ETS1: variants seen among roughly 807,000 people sequenced by gnomAD.
The protein encoded by ETS1 is ETS proto-oncogene 1, transcription factor.
Under a neutral mutation model 58.6 loss-of-function variants are expected in ETS1, and 15 were observed. The ratio of observed to expected loss-of-function variants is 0.26; its 90% CI spans 0.17 to 0.39. The LOEUF is 0.39. Among genes scored for constraint, ETS1 ranks in the 10% least tolerant of loss-of-function variants. ETS1 has a pLI of 1.00. For synonymous variants in ETS1, 214 were observed against 218.2 expected (o/e 0.98, Z 0.17); for missense variants, 417 against 610.5 (o/e 0.68, Z 3.34).
rs749441030 is a variant in ETS1, at chr11:128,468,228, A to G, written c.1124-4601T>C. Among the ~76,000 whole-genome samples, 19 of 152,338 alleles carry G rather than the reference A, an allele frequency of 1.2e-4. 1 individual carries two copies. Among genetic ancestry groups the G allele is most frequent in the Admixed American group, 3.9e-4 (6 of 15,310 alleles). On this transcript the variant is annotated intron_variant, in intron 8 of 9. Coordinates refer to ENST00000392668, the MANE Select transcript of ETS1 (RefSeq NM_001143820.2). The stretch of plus-strand genomic sequence containing the variant: ...ACTTTTTAAAAAAAGTAAAGCTTCA[A>G]GTAAATTACTGCTCATTTGGGTCAT...
At position 128,550,247 on chromosome 11, in the gene ETS1, T is replaced by C. The variant is rs75610769; in HGVS notation, c.214+6044A>G. On this transcript the variant is annotated intron_variant, in intron 3 of 9. Coordinates refer to ENST00000392668, the MANE Select transcript of ETS1 (RefSeq NM_001143820.2). ...CTGCTTAGACTTAACACTCTTCAAT[T>C]ATACTCAAAATGTATACCAAAAGAC... Among the ~76,000 whole-genome samples, 38 of 152,280 alleles carry C rather than the reference T, an allele frequency of 2.5e-4. No individual in the cohort carries two copies. The East Asian group carries it at 6.4e-3, about 26-fold the overall frequency.
intron 3 of ETS1, among the ~76,000 whole-genome samples, chr11:128,517,225 G>A (rs985734486): frequency 6.6e-6 from 1 of 152,176 alleles, no homozygotes; most frequent in African/African-American, 2.4e-5. Flanking sequence ...GAGATAGCAG[G>A]GAGCCACTGT....
At chr11:128,544,338 C>CA (rs1430066216) in intron 3 of ETS1, among the ~76,000 whole-genome samples, 26 of 72,010 alleles carry the variant, frequency 3.6e-4, no homozygotes, top group African/African-American at 1.3e-3. Context: ...TAATTGTTTA[C>CA]TAATATATAT....
chr11:128,556,044 C>G (rs1348754677), intron 3 of ETS1, among the ~76,000 whole-genome samples: 1 of 152,200 alleles, frequency 6.6e-6, no homozygotes, highest in African/African-American at 2.4e-5. Flanking sequence ...GCAGGATAGG[C>G]AAAACTATTT....
At chr11:128,518,047 T>C (rs1863571623) in intron 3 of ETS1, among the ~76,000 whole-genome samples, 1 of 152,230 alleles carries the variant, frequency 6.6e-6, no homozygotes, top group Non-Finnish European at 1.5e-5. Context: ...ATGTTCCCCT[T>C]GCCTCTAGAC....
chr11:128,470,877 G>A (rs1199269305), intron 8 of ETS1, among the ~76,000 whole-genome samples: 1 of 152,126 alleles, frequency 6.6e-6, no homozygotes, highest in Non-Finnish European at 1.5e-5. Flanking sequence ...TTAAGTTAGG[G>A]AAGACTCTGA....
In ETS1 at chr11:128,492,521, C is replaced by T. The variant is rs114916771; in HGVS notation, c.215-1945G>A. On this transcript the variant is annotated intron_variant, in intron 3 of 9. Transcript: ENST00000392668. The stretch of plus-strand genomic sequence containing the variant: ...TCCAGGGAGTGGTAAGTTTGGGTTG[C>T]CCTGGGACATGCCCAAAAAAATCTA... 8.2e-3 allele frequency among the ~76,000 whole-genome samples: 1,234 copies of T among 151,356 alleles called. 14 individuals carry two copies. The highest frequency in any genetic ancestry group is 0.028 in the African/African-American group (1,134 of 41,162).
At chr11:128,584,123 A>G (rs1864928250) in intron 1 of ETS1, among the ~76,000 whole-genome samples, 1 of 152,166 alleles carries the variant, frequency 6.6e-6, no homozygotes, top group South Asian at 2.1e-4. Context: ...TAGAAATAAA[A>G]CTGATATTTG....
At chr11:128,579,766 A>C (rs886618932) in intron 1 of ETS1, among the ~76,000 whole-genome samples, 12 of 152,152 alleles carry the variant, frequency 7.9e-5, no homozygotes, top group African/African-American at 2.9e-4. Flanking sequence ...CACCTGGGCT[A>C]CCAAGGCAAC....
intron 2 of ETS1, among the ~76,000 whole-genome samples, chr11:128,564,926 T>C (rs1040349441): frequency 6.6e-6 from 1 of 151,856 alleles, no homozygotes; most frequent in African/African-American, 2.4e-5. Context: ...TTTTTTGTTT[T>C]TTTTTGTTTT....
At chr11:128,517,822 A>G (rs1216674491) in intron 3 of ETS1, among the ~76,000 whole-genome samples, 1 of 152,136 alleles carries the variant, frequency 6.6e-6, no homozygotes, top group Non-Finnish European at 1.5e-5. Context: ...TCCTGGAGGG[A>G]GGCGATGCTC....
chr11:128,466,098 C>T (rs947652888), intron 8 of ETS1, among the ~76,000 whole-genome samples: 3 of 152,216 alleles, frequency 2.0e-5, no homozygotes, highest in East Asian at 1.9e-4. Context: ...TTGCAGGACA[C>T]GGGATAGCCA....
intron 3 of ETS1, among the ~76,000 whole-genome samples, chr11:128,496,077 G>T (rs1862932713): frequency 2.6e-5 from 4 of 151,900 alleles, no homozygotes; most frequent in Admixed American, 2.0e-4. Context: ...TTGTCACAAG[G>T]ATATTTTTTA....
At chr11:128,482,868 A>C (rs1048348689) in intron 7 of ETS1, among the ~76,000 whole-genome samples, 4 of 152,192 alleles carry the variant, frequency 2.6e-5, no homozygotes, top group African/African-American at 9.7e-5. Context: ...AAAACAGAAG[A>C]TGCGGCAGCA....
At chr11:128,571,678 G>A (rs190742794) in intron 2 of ETS1, 4 of 151,964 alleles carry the variant, frequency 2.6e-5, no homozygotes, top group African/African-American at 4.8e-5. Flanking sequence ...TCAGAAATGC[G>A]TTCTTGTTTA....
chr11:128,480,313 T>A lies in ETS1; in HGVS notation c.1001A>T (p.Asp334Val). Residue 334 changes from aspartate (D) to valine (V), a missense_variant, in exon 8 of 10, where the codon GAC (aspartate) becomes GTC (valine). Asp to Val is a radical substitution (Grantham distance 152). Coordinates refer to ENST00000392668, the MANE Select transcript of ETS1 (RefSeq NM_001143820.2). ...VPSYDSFDSE[D>V]YPAALPNHKP... ...GTGGTTGGGCAGGGCAGCCGGATAG[T>A]CCTCTGAGTCGAAGCTGTCATAGGA... 1 of 1,614,088 alleles carries A rather than the reference T, an allele frequency of 6.2e-7. No homozygotes were observed.
At chr11:128,526,213 G>A (rs1261408822) in intron 3 of ETS1, 3 of 152,242 alleles carry the variant, frequency 2.0e-5, no homozygotes, top group Non-Finnish European at 4.4e-5. Flanking sequence ...GTTTGCCCTG[G>A]AAAGCTCAAT....
Position 128,462,541 on chromosome 11 carries a change from A to G in ETS1, c.1278T>C (p.Pro426=). The G allele has an allele frequency of 1.2e-6, 2 of 1,614,170 alleles. No individual in the cohort carries two copies. The highest frequency in any genetic ancestry group is 1.7e-5 in the Admixed American group (1 of 60,026). Reference sequence around the variant, plus strand: ...GGCTCAGTTTCTCATAATTCATCTTAGGTTTGTTTTTCCTCTTTCCCCATC... The same window carrying G: ...GGCTCAGTTTCTCATAATTCATCTTGGGTTTGTTTTTCCTCTTTCCCCATC... The part of the protein sequence containing the change: ...ARRWGKRKNK[P]KMNYEKLSRG... Residue 426 remains proline, a synonymous_variant, in exon 10 of 10, where the codon CCT becomes CCC. Coordinates refer to ENST00000392668, the MANE Select transcript of ETS1 (RefSeq NM_001143820.2).
chr11:128,516,390 T>C (rs1863524420), intron 3 of ETS1, among the ~76,000 whole-genome samples: 1 of 152,202 alleles, frequency 6.6e-6, no homozygotes, highest in African/African-American at 2.4e-5. Flanking sequence ...AGGCAAATGC[T>C]ATCAGAGGTT....
Sources: allele counts gnomAD v4.1 joint callset (sites outside exome capture counted in the v4.1 genomes callset), GRCh38; gene constraint gnomAD v4.1.1; transcripts MANE v1.5; gene names NCBI Gene and HGNC (gene_info 2026-07-23, HGNC 2026-07-21).